Variants in NICOL1 observed in about 807,000 individuals in gnomAD.
The protein encoded by NICOL1 is NELL2-interacting cell ontogeny regulator 1.
At chr4:2,042,025 T>C in the NICOL1 span, 2 of 1,473,908 alleles carry the variant, frequency 1.4e-6, no homozygotes, top group South Asian at 1.3e-5. Context: ...GCGGAACGTC[T>C]GCCGGTGTCC....
the NICOL1 span, among the ~76,000 whole-genome samples, chr4:2,037,346 G>A: frequency 4.6e-5 from 7 of 152,122 alleles, no homozygotes; most frequent in East Asian, 1.2e-3. Flanking sequence ...AACCTGCCTC[G>A]GCCTCCCAAA....
chr4:2,042,821 G>A, the NICOL1 span: 1 of 1,487,794 alleles, frequency 6.7e-7, no homozygotes, highest in South Asian at 1.3e-5. Context: ...GCCTGGACGC[G>A]CGGGTGAGCG....
At chr4:2,042,223 A>C in the NICOL1 span, 1 of 1,102,136 alleles carries the variant, frequency 9.1e-7, no homozygotes, top group Non-Finnish European at 1.1e-6. Context: ...CAGGGCTCCC[A>C]GGCCTGGGGC....
chr4:2,043,758 T>TCTCA, the NICOL1 span: 1 of 901,046 alleles, frequency 1.1e-6, no homozygotes, highest in Admixed American at 2.5e-5. Context: ...ACCTTGTCTG[T>TCTCA]CTCAGGAGCC....
the NICOL1 span, chr4:2,042,340 C>T: frequency 3.9e-5 from 21 of 534,040 alleles, no homozygotes; most frequent in East Asian, 7.2e-4. Flanking sequence ...GGCCCCGCTC[C>T]CTCTGCTGGC....
chr4:2,041,939 G>A, the NICOL1 span: 1 of 1,447,004 alleles, frequency 6.9e-7, no homozygotes, highest in South Asian at 1.4e-5. Flanking sequence ...CGCAGTCTCG[G>A]GTTTCCATGA....
the NICOL1 span, chr4:2,042,310 CCCCTCGCTGGCTTCAGGGCGGCCCCGCT>C: frequency 1.5e-6 from 1 of 685,938 alleles, no homozygotes; most frequent in Non-Finnish European, 2.2e-6. Context: ...GCGCCGCTGA[CCCCTCGCTGGCTTCAGGGCGGCCCCGCT>C]CCCTCTGCTG....
chr4:2,040,014 CA>C, the NICOL1 span, among the ~76,000 whole-genome samples: 2 of 151,942 alleles, frequency 1.3e-5, no homozygotes, highest in African/African-American at 4.8e-5. Flanking sequence ...ACAGAAACAA[CA>C]TCCAAAGGAA....
At chr4:2,043,625 A>G in the NICOL1 span, among the ~76,000 whole-genome samples, 1 of 152,306 alleles carries the variant, frequency 6.6e-6, no homozygotes, top group South Asian at 2.1e-4. Flanking sequence ...GGAAGAAGGC[A>G]GGTGGGCACG....
At chr4:2,041,359 C>A in the NICOL1 span, among the ~76,000 whole-genome samples, 1 of 152,204 alleles carries the variant, frequency 6.6e-6, no homozygotes. Flanking sequence ...CCTGAGTTCA[C>A]GGGACTGAAA....
At chr4:2,042,376 T>G in the NICOL1 span, 1 of 514,938 alleles carries the variant, frequency 1.9e-6, no homozygotes, top group Non-Finnish European at 3.4e-6. Context: ...CGCGTGCCGG[T>G]CCCCGATGTC....
chr4:2,043,021 C>T, the NICOL1 span, among the ~76,000 whole-genome samples: 1 of 152,170 alleles, frequency 6.6e-6, no homozygotes, highest in African/African-American at 2.4e-5. Flanking sequence ...TATGAGACGC[C>T]CCTCTCTCCA....
the NICOL1 span, among the ~76,000 whole-genome samples, chr4:2,040,352 C>G: frequency 6.6e-6 from 1 of 152,244 alleles, no homozygotes; most frequent in Non-Finnish European, 1.5e-5. Flanking sequence ...GGTGATCCAC[C>G]GGCCTTGGCC....
chr4:2,038,760 T>C, the NICOL1 span, among the ~76,000 whole-genome samples: 1 of 152,318 alleles, frequency 6.6e-6, no homozygotes, highest in South Asian at 2.1e-4. Context: ...CACTATAATA[T>C]TGAGATTAAT....
At chr4:2,042,142 C>T in the NICOL1 span, 4 of 1,389,848 alleles carry the variant, frequency 2.9e-6, no homozygotes, top group African/African-American at 4.7e-5. Flanking sequence ...TCGCTGGGCC[C>T]GGAGACCGGC....
At chr4:2,036,874 CA>C in the NICOL1 span, among the ~76,000 whole-genome samples, 1 of 152,096 alleles carries the variant, frequency 6.6e-6, no homozygotes, top group African/African-American at 2.4e-5. Context: ...AGGGCTGTCA[CA>C]TTGCACATTC....
At chr4:2,043,892 G>C in the NICOL1 span, 5 of 1,549,352 alleles carry the variant, frequency 3.2e-6, no homozygotes, top group Non-Finnish European at 3.5e-6. Context: ...GCAGAGCGCC[G>C]TGCCCTGTGT....
chr4:2,039,742 A>T, the NICOL1 span, among the ~76,000 whole-genome samples: 1 of 152,160 alleles, frequency 6.6e-6, no homozygotes, highest in South Asian at 2.1e-4. Context: ...GGGGAGGCTG[A>T]GACAGGAGAA....
At chr4:2,036,580 C>T in the NICOL1 span, among the ~76,000 whole-genome samples, 5 of 152,126 alleles carry the variant, frequency 3.3e-5, no homozygotes, top group Admixed American at 6.5e-5. Context: ...TCAGTGTTGA[C>T]GGAAGCTGAA....
Sources: gnomAD v4.1 joint callset for allele counts (sites outside exome capture counted in the v4.1 genomes callset) on GRCh38, gnomAD v4.1.1 for gene constraint, MANE v1.5 for transcripts, NCBI Gene and HGNC (gene_info 2026-07-23, HGNC 2026-07-21) for gene names.